TMEM196: variants seen among roughly 807,000 people sequenced by gnomAD.
TMEM196 encodes the protein transmembrane protein 196.
TMEM196 carries 17 observed loss-of-function variants against 20.0 expected under a neutral mutation model. The observed-to-expected ratio is 0.85, with a 90% CI of 0.58 to 1.27. The LOEUF is 1.27. Among genes scored for constraint, TMEM196 ranks in the 50% most tolerant of loss-of-function variants. The pLI, the probability that TMEM196 is intolerant of heterozygous loss-of-function variation, is 0.00. For synonymous variants in TMEM196, 113 were observed against 88.9 expected, an observed-to-expected ratio of 1.27 and a Z score of -1.52; for missense variants, 267 against 223.0, an observed-to-expected ratio of 1.20 and a Z score of -1.26.
At chr7:19,748,687 C>CTCTCCA (rs1411108243) in intron 1 of TMEM196, among the ~76,000 whole-genome samples, 1 of 152,046 alleles carries the variant, frequency 6.6e-6, no homozygotes, top group Non-Finnish European at 1.5e-5. Context: ...AACGTAAAGA[C>CTCTCCA]AAGTAAAAGA....
At chr7:19,770,129 ATAAAATAATACTTC>A (rs1233878586) in intron 1 of TMEM196, among the ~76,000 whole-genome samples, 7 of 152,218 alleles carry the variant, frequency 4.6e-5, no homozygotes, top group African/African-American at 1.7e-4. Context: ...AAGATCAAGA[ATAAAATAATACTTC>A]TTTCATGGAT....
At chr7:19,728,844 AT>A (rs1221674189) in intron 2 of TMEM196, among the ~76,000 whole-genome samples, 7 of 152,192 alleles carry the variant, frequency 4.6e-5, no homozygotes, top group African/African-American at 1.4e-4. Context: ...CTATAGTACC[AT>A]AAAACATCTG....
chr7:19,749,070 TG>T (rs1408462469), intron 1 of TMEM196, among the ~76,000 whole-genome samples: 1 of 152,204 alleles, frequency 6.6e-6, no homozygotes, highest in Non-Finnish European at 1.5e-5. Context: ...TTTGTTATTT[TG>T]TATTTTTCCA....
Position 19,725,140 on chromosome 7 carries a change from A to G in TMEM196, c.459+374T>C, listed in dbSNP as rs138151233. On this transcript the variant is annotated intron_variant, in intron 3 of 4. Coordinates refer to ENST00000405844, the MANE Select transcript of TMEM196 (RefSeq NM_001363562.2). ...ATCAAATGCATCTCCTTAATAGAAC[A>G]AGGGAAGAGCTAGAAAAGGGAATTC... 3.3e-4 allele frequency among the ~76,000 whole-genome samples: 50 copies of G among 152,320 alleles called. No homozygotes were observed. The East Asian group carries it at 9.1e-3, about 28-fold the overall frequency.
intron 1 of TMEM196, among the ~76,000 whole-genome samples, chr7:19,736,531 C>G (rs926929295): frequency 6.6e-6 from 1 of 151,022 alleles, no homozygotes; most frequent in Non-Finnish European, 1.5e-5. Context: ...TTAGAGTATC[C>G]GGGGTAGGAC....
intron 1 of TMEM196, among the ~76,000 whole-genome samples, chr7:19,738,832 A>G (rs568240184): frequency 6.6e-6 from 1 of 152,278 alleles, no homozygotes; most frequent in African/African-American, 2.4e-5. Flanking sequence ...GAAAAATTTC[A>G]AATAACTTAT....
intron 1 of TMEM196, among the ~76,000 whole-genome samples, chr7:19,770,343 C>G (rs1785820247): frequency 6.6e-6 from 1 of 152,104 alleles, no homozygotes; most frequent in African/African-American, 2.4e-5. Context: ...AAATGCCTTT[C>G]ACATGCTAAG....
intron 1 of TMEM196, among the ~76,000 whole-genome samples, chr7:19,744,404 G>A (rs148185760): frequency 6.6e-6 from 1 of 152,088 alleles, no homozygotes; most frequent in Non-Finnish European, 1.5e-5. Context: ...AATAGGTGCT[G>A]GTTCTTAAAG....
chr7:19,729,848 A>G (rs1784132515), intron 1 of TMEM196, among the ~76,000 whole-genome samples: 1 of 152,212 alleles, frequency 6.6e-6, no homozygotes, highest in Non-Finnish European at 1.5e-5. Flanking sequence ...TCAAAAGATA[A>G]TGCATCAGAC....
chr7:19,734,030 G>A (rs1784307059), intron 1 of TMEM196, among the ~76,000 whole-genome samples: 1 of 152,104 alleles, frequency 6.6e-6, no homozygotes, highest in African/African-American at 2.4e-5. Context: ...CCAACCCTGT[G>A]ATGAAGATGA....
intron 1 of TMEM196, among the ~76,000 whole-genome samples, chr7:19,731,406 A>T (rs1351510651): frequency 6.6e-6 from 1 of 152,152 alleles, no homozygotes; most frequent in African/African-American, 2.4e-5. Flanking sequence ...TCTTTCTGTT[A>T]CTAATTTCAT....
Position 19,770,698 on chromosome 7 carries a change from C to T in TMEM196, c.147+1852G>A, listed in dbSNP as rs528789383. Among the ~76,000 whole-genome samples, 33 of 152,210 alleles carry T rather than the reference C, an allele frequency of 2.2e-4. No individual in the cohort carries two copies. In the South Asian group the frequency reaches 6.4e-3, roughly 30 times the overall value. On this transcript the variant is annotated intron_variant, in intron 1 of 4. Transcript: ENST00000405844. The stretch of plus-strand genomic sequence containing the variant: ...CAACCAGTTAAAAAAGGAAATAATT[C>T]TTTCTTATAGTGACTATGTAGATAT...
At chr7:19,726,748 C>G (rs979525267) in intron 2 of TMEM196, among the ~76,000 whole-genome samples, 4 of 152,166 alleles carry the variant, frequency 2.6e-5, no homozygotes, top group South Asian at 2.1e-4. Flanking sequence ...AGTCAAATAA[C>G]TTTAATAATT....
chr7:19,753,003 G>A lies in TMEM196; in HGVS notation c.147+19547C>T, dbSNP rs1785053059. Among the ~76,000 whole-genome samples, 3 of 151,982 alleles carry A rather than the reference G, an allele frequency of 2.0e-5. No individual in the cohort carries two copies. The South Asian group carries it at 6.2e-4, about 32-fold the overall frequency. ...ATGGTTCCAAGCCAATTTGACAACT[G>A]GTCTACTGTGGATCTTCTACAGCCA... On this transcript the variant is annotated intron_variant, in intron 1 of 4. Coordinates refer to ENST00000405844, the MANE Select transcript of TMEM196 (RefSeq NM_001363562.2).
At chr7:19,735,442 T>C (rs1042979435) in intron 1 of TMEM196, among the ~76,000 whole-genome samples, 1 of 152,216 alleles carries the variant, frequency 6.6e-6, no homozygotes, top group Admixed American at 6.5e-5. Context: ...AGTTTGTCTC[T>C]CTTCTCTGTC....
chr7:19,726,659 A>G (rs1784011345), intron 2 of TMEM196, among the ~76,000 whole-genome samples: 1 of 152,160 alleles, frequency 6.6e-6, no homozygotes, highest in Non-Finnish European at 1.5e-5. Flanking sequence ...AACAACTATC[A>G]TAGGATCCCT....
At chr7:19,760,352 CTTTTTTTTTTTTTTT>C (rs55646735) in intron 1 of TMEM196, among the ~76,000 whole-genome samples, 6 of 92,164 alleles carry the variant, frequency 6.5e-5, no homozygotes, top group East Asian at 8.4e-4. Context: ...ATATATTTTC[CTTTTTTTTTTTTTTT>C]TTTTTTTTTT....
intron 4 of TMEM196, among the ~76,000 whole-genome samples, chr7:19,722,764 A>T (rs747039434): frequency 9.9e-5 from 15 of 152,194 alleles, no homozygotes; most frequent in Non-Finnish European, 2.1e-4. Flanking sequence ...AGCACTGAAA[A>T]TATAGATGCA....
At chr7:19,747,199 T>G (rs34030696) in intron 1 of TMEM196, among the ~76,000 whole-genome samples, 28,315 of 146,150 alleles carry the variant, frequency 0.19, 3,283 homozygotes, top group East Asian at 0.41. Flanking sequence ...AGCTTGCAGT[T>G]AGCCGAGATC....
Sources: allele counts gnomAD v4.1 joint callset (sites outside exome capture counted in the v4.1 genomes callset), GRCh38; gene constraint gnomAD v4.1.1; transcripts MANE v1.5; gene names NCBI Gene and HGNC (gene_info 2026-07-23, HGNC 2026-07-21).